ARHGAP15: variants seen among roughly 807,000 people sequenced by gnomAD.
ARHGAP15 encodes the protein Rho GTPase activating protein 15.
A neutral mutation model predicts 63.7 loss-of-function variants in ARHGAP15; 51 were observed. The observed-to-expected ratio is 0.80, with a 90% CI of 0.64 to 1.01. ARHGAP15 has a LOEUF of 1.01. ARHGAP15 is among the 50% of genes least tolerant of loss of function. The pLI, the probability that ARHGAP15 is intolerant of heterozygous loss-of-function variation, is 0.00. For missense variants in ARHGAP15, 560 were observed against 564.6 expected, an observed-to-expected ratio of 0.99 and a Z score of 0.08; for synonymous variants, 191 against 193.8, an observed-to-expected ratio of 0.99 and a Z score of 0.12.
intron 11 of ARHGAP15, among the ~76,000 whole-genome samples, chr2:143,582,659 C>T (rs182015916): frequency 6.6e-6 from 1 of 152,180 alleles, no homozygotes; most frequent in African/African-American, 2.4e-5. Context: ...GGGTTGGGAA[C>T]AGTAGAACTA....
intron 11 of ARHGAP15, among the ~76,000 whole-genome samples, chr2:143,617,066 C>T (rs1301383505): frequency 3.3e-5 from 5 of 152,178 alleles, no homozygotes; most frequent in African/African-American, 1.2e-4. Flanking sequence ...GGAGAGTATT[C>T]TGCATGTTTG....
At chr2:143,767,624 T>C (rs1451073827) in intron 13 of ARHGAP15, among the ~76,000 whole-genome samples, 1 of 152,180 alleles carries the variant, frequency 6.6e-6, no homozygotes, top group Non-Finnish European at 1.5e-5. Context: ...TGGGTTCTTA[T>C]ATATATATTT....
intron 6 of ARHGAP15, among the ~76,000 whole-genome samples, chr2:143,345,251 C>CAGA (rs1553467087): frequency 4.4e-5 from 2 of 45,246 alleles, no homozygotes; most frequent in African/African-American, 2.8e-4. Flanking sequence ...CATATGAAAT[C>CAGA]AAAGAGCTAC....
At chr2:143,604,093 T>C (rs1399950312) in intron 11 of ARHGAP15, among the ~76,000 whole-genome samples, 1 of 152,202 alleles carries the variant, frequency 6.6e-6, no homozygotes, top group Non-Finnish European at 1.5e-5. Context: ...AGTGGTTGCA[T>C]TGCTTATAAG....
At chr2:143,139,800 T>G (rs1192236173) in intron 1 of ARHGAP15, among the ~76,000 whole-genome samples, 1 of 152,056 alleles carries the variant, frequency 6.6e-6, no homozygotes, top group Non-Finnish European at 1.5e-5. Context: ...GAGATAGTAG[T>G]GGTATTAAAA....
rs371041966 is a variant in ARHGAP15, at chr2:143,132,933, A to T, written c.-15+3467A>T. On this transcript the variant is annotated intron_variant, in intron 1 of 13. Coordinates refer to ENST00000295095, the MANE Select transcript of ARHGAP15 (RefSeq NM_018460.4). Reference sequence around the variant, plus strand: ...TGTATGTTTGACAACTCCTCACAACATTTGCCTTCTAAAAGCTTATAATCC... The same window carrying T: ...TGTATGTTTGACAACTCCTCACAACTTTTGCCTTCTAAAAGCTTATAATCC... Among the ~76,000 whole-genome samples, 63 of 152,082 alleles carry T rather than the reference A, an allele frequency of 4.1e-4. 1 individual carries two copies. Among genetic ancestry groups the T allele is most frequent in the African/African-American group, 1.4e-3 (58 of 41,540 alleles).
rs565007985 is a variant in ARHGAP15 at position 143,259,016 on chromosome 2, T to C, written c.474+8416T>C. Among the ~76,000 whole-genome samples, 3 of 142,096 alleles carry C rather than the reference T, an allele frequency of 2.1e-5. No individual in the cohort carries two copies. The East Asian group carries it at 6.5e-4, about 31-fold the overall frequency. 93.2% of individuals were successfully genotyped at this position (142,096 alleles called of 152,430 possible). A position where few individuals can be genotyped will look rare whatever the true frequency, so the allele number is the denominator to read the frequency against. ...AAGTAACTTAGAAAGACCTTGATTG[T>C]GGTCTTTTTTTTTTTCTTGAAGTTG... On this transcript the variant is annotated intron_variant, in intron 6 of 13. Transcript: ENST00000295095.
At chr2:143,371,884 C>A (rs1686573653) in intron 6 of ARHGAP15, among the ~76,000 whole-genome samples, 1 of 152,110 alleles carries the variant, frequency 6.6e-6, no homozygotes, top group Non-Finnish European at 1.5e-5. Context: ...TTAACCCAAA[C>A]ACTTAATTTT....
At chr2:143,405,743 T>C (rs1688173322) in intron 6 of ARHGAP15, among the ~76,000 whole-genome samples, 2 of 151,922 alleles carry the variant, frequency 1.3e-5, no homozygotes, top group South Asian at 2.1e-4. Flanking sequence ...CTTGACTACA[T>C]ACAAAGTGCT....
chr2:143,656,934 G>GCTGTGTGTGTGTGTGTGTGT (rs1681467015), intron 12 of ARHGAP15, among the ~76,000 whole-genome samples: 1 of 144,936 alleles, frequency 6.9e-6, no homozygotes, highest in Non-Finnish European at 1.5e-5. Flanking sequence ...CAAAGTTTCT[G>GCTGTGTGTGTGTGTGTGTGT]GTGTGTGTGT....
At chr2:143,590,871 AT>A (rs1405886355) in intron 11 of ARHGAP15, among the ~76,000 whole-genome samples, 1 of 152,108 alleles carries the variant, frequency 6.6e-6, no homozygotes, top group African/African-American at 2.4e-5. Flanking sequence ...ATAGCTGCAC[AT>A]TTTTTATCAA....
intron 6 of ARHGAP15, among the ~76,000 whole-genome samples, chr2:143,393,988 C>CTGCTTCTG (rs1687654059): frequency 6.6e-6 from 1 of 152,130 alleles, no homozygotes; most frequent in Non-Finnish European, 1.5e-5. Context: ...CATGTCCATC[C>CTGCTTCTG]TGCTTCTGTG....
intron 1 of ARHGAP15, among the ~76,000 whole-genome samples, chr2:143,134,137 AT>A (rs1558765448): frequency 1.6e-3 from 49 of 30,428 alleles, no homozygotes; most frequent in Admixed American, 7.4e-3. Flanking sequence ...CTATCTATCT[AT>A]CTATCTATCT....
chr2:143,574,825 T>A (rs138814364), intron 11 of ARHGAP15, among the ~76,000 whole-genome samples: 25 of 152,308 alleles, frequency 1.6e-4, no homozygotes, highest in African/African-American at 5.3e-4. Context: ...AGAAATGTCT[T>A]CTGAGGAAAA....
intron 11 of ARHGAP15, among the ~76,000 whole-genome samples, chr2:143,580,519 C>T (rs948338963): frequency 2.7e-4 from 41 of 152,042 alleles, no homozygotes; most frequent in African/African-American, 9.2e-4. Flanking sequence ...CTTCTTTTCC[C>T]GAAATTCTCT....
intron 6 of ARHGAP15, among the ~76,000 whole-genome samples, chr2:143,292,022 T>C (rs192601747): frequency 8.5e-5 from 13 of 152,254 alleles, no homozygotes; most frequent in Admixed American, 6.6e-4. Flanking sequence ...TCTAACGCGA[T>C]GGCTATTTCA....
At chr2:143,516,839 C>T (rs1267797115) in intron 9 of ARHGAP15, among the ~76,000 whole-genome samples, 1 of 152,144 alleles carries the variant, frequency 6.6e-6, no homozygotes, top group Non-Finnish European at 1.5e-5. Context: ...AAAGCAAATG[C>T]CCATTACTAT....
chr2:143,388,788 A>G (rs1390606036), intron 6 of ARHGAP15, among the ~76,000 whole-genome samples: 1 of 152,150 alleles, frequency 6.6e-6, no homozygotes, highest in African/African-American at 2.4e-5. Context: ...TTGCGTGTCC[A>G]ATGTACAGCA....
At chr2:143,343,148 C>T (rs188010113) in intron 6 of ARHGAP15, among the ~76,000 whole-genome samples, 109 of 152,066 alleles carry the variant, frequency 7.2e-4, no homozygotes, top group African/African-American at 2.4e-3. Flanking sequence ...TGTGATAGCA[C>T]GAATGATAAA....
Sources: allele counts gnomAD v4.1 joint callset (sites outside exome capture counted in the v4.1 genomes callset), GRCh38; gene constraint gnomAD v4.1.1; transcripts MANE v1.5; gene names NCBI Gene and HGNC (gene_info 2026-07-23, HGNC 2026-07-21).